The following UBE2W variants were observed in gnomAD, a reference collection of about 807,000 sequenced individuals.
UBE2W encodes the protein ubiquitin conjugating enzyme E2 W, also known as ubiquitin-conjugating enzyme E2 W.
A neutral mutation model predicts 27.2 loss-of-function variants in UBE2W; 18 were observed. That is an observed-to-expected ratio of 0.66 (90% CI 0.46 to 0.98). The LOEUF (loss-of-function observed/expected upper bound fraction) is 0.98. Among genes scored for constraint, UBE2W ranks in the 50% least tolerant of loss-of-function variants. UBE2W has a pLI of 0.00. For synonymous variants in UBE2W, 53 were observed against 57.2 expected (o/e 0.93, Z 0.33); for missense variants, 90 against 180.2 (o/e 0.50, Z 2.87).
At chr8:73,794,244 C>T in intron 5 of UBE2W, 129 bp from the exon 6 acceptor site, 2 of 1,135,454 alleles carry the variant, frequency 1.8e-6, no homozygotes, top group Non-Finnish European at 2.5e-6. Context: ...ATCTGCCTCC[C>T]CCAAACCTGT....
intron 1 of UBE2W, among the ~76,000 whole-genome samples, chr8:73,858,256 G>A (rs1035135209): frequency 6.6e-6 from 1 of 151,580 alleles, no homozygotes; most frequent in African/African-American, 2.4e-5. Flanking sequence ...AGCTACTTAG[G>A]AGGCTGAGGC....
chr8:73,869,673 T>C (rs548513183), intron 1 of UBE2W, among the ~76,000 whole-genome samples: 41 of 151,344 alleles, frequency 2.7e-4, no homozygotes, highest in African/African-American at 9.7e-4. Flanking sequence ...TCTGGGAGAC[T>C]GAGCAAGACT....
chr8:73,805,010 A>G (rs1808814554), intron 5 of UBE2W, among the ~76,000 whole-genome samples: 1 of 151,990 alleles, frequency 6.6e-6, no homozygotes, highest in South Asian at 2.1e-4. Context: ...GGCGTAGGCC[A>G]CCATGCCTGG....
chr8:73,853,113 G>T (rs760807500), intron 1 of UBE2W, among the ~76,000 whole-genome samples: 2 of 152,152 alleles, frequency 1.3e-5, no homozygotes, highest in Non-Finnish European at 2.9e-5. Context: ...GAGCTAATTT[G>T]CCTTGCTGCC....
intron 1 of UBE2W, among the ~76,000 whole-genome samples, chr8:73,872,814 AAAG>A (rs1183388677): frequency 3.9e-5 from 6 of 152,226 alleles, no homozygotes; most frequent in Admixed American, 3.9e-4. Context: ...CATATTTTAA[AAAG>A]AAGTTCTCAT....
In UBE2W at chr8:73,788,306, AAAAT is replaced by A. The variant is rs1808048190; in HGVS notation, c.*5792_*5795del. ...TACATATTTTGCAACTTGAGTTTAT[AAAAT>A]ATATACATCCACCCTATTCAAATCC... On this transcript the variant is annotated 3_prime_UTR_variant, in exon 6 of 6. Transcript: ENST00000602593. 3.0e-6 allele frequency: 3 copies of A among 984,906 alleles called. No homozygotes were observed. The highest frequency in any genetic ancestry group is 3.6e-6 in the Non-Finnish European group (3 of 829,436). The allele number at this position is 984,906 out of a possible 1,614,324, so 61.0% of individuals were successfully genotyped here. A position where few individuals can be genotyped will look rare whatever the true frequency, so the allele number is the denominator to read the frequency against.
chr8:73,875,567 A>G (rs1443613570), intron 1 of UBE2W, among the ~76,000 whole-genome samples: 17 of 116,916 alleles, frequency 1.5e-4, no homozygotes, highest in Non-Finnish European at 3.0e-4. Flanking sequence ...TTCCTCTTAG[A>G]GCTTAAGTAA....
Position 73,810,598 on chromosome 8 carries a change from T to C in UBE2W, c.242A>G (p.His81Arg). Residue 81 changes from histidine (H) to arginine (R), a missense_variant, in exon 4 of 6, where the codon CAT becomes CGT. Coordinates refer to ENST00000602593, the MANE Select transcript of UBE2W (RefSeq NM_018299.6). ...VMFTGENIPV[H>R]PHVYSNGHIC... ...ATGACCATTGCTATAAACATGAGGA[T>C]GAACAGGAATATTTTCACCAGTAAA... 1 of 1,606,094 alleles carries C rather than the reference T, an allele frequency of 6.2e-7. No homozygotes were observed.
rs1046644915 is a variant in UBE2W, at chr8:73,788,181, A to C, written c.*5921T>G. 1.0e-6 allele frequency: 1 copy of C among 967,484 alleles called. No homozygotes were observed. The highest frequency in any genetic ancestry group is 1.2e-6 in the Non-Finnish European group (1 of 813,792). The allele number at this position is 967,484 out of a possible 1,614,324, so 59.9% of individuals were successfully genotyped here. A position where few individuals can be genotyped will look rare whatever the true frequency, so the allele number is the denominator to read the frequency against. ...GTTATGAAATTCCATAAAGCAAAGT[A>C]ATCTGCATTCAACTAACAAGTCTGA... On this transcript the variant is annotated 3_prime_UTR_variant, in exon 6 of 6. Transcript: ENST00000602593.
At chr8:73,852,618 A>G (rs1056481724) in intron 1 of UBE2W, among the ~76,000 whole-genome samples, 12 of 152,168 alleles carry the variant, frequency 7.9e-5, no homozygotes, top group African/African-American at 2.4e-4. Flanking sequence ...ATACAATTCA[A>G]ATTTTTTTAC....
intron 4 of UBE2W, among the ~76,000 whole-genome samples, chr8:73,806,706 C>T (rs536519102): frequency 1.2e-3 from 186 of 152,234 alleles, no homozygotes; most frequent in African/African-American, 4.4e-3. Context: ...AACCAGACTT[C>T]GTCTCAAAAC....
intron 3 of UBE2W, among the ~76,000 whole-genome samples, chr8:73,817,837 A>C (rs1809456493): frequency 6.6e-6 from 1 of 152,170 alleles, no homozygotes; most frequent in African/African-American, 2.4e-5. Flanking sequence ...TTTGATGGAG[A>C]TGGGCCATCC....
intron 1 of UBE2W, among the ~76,000 whole-genome samples, chr8:73,853,487 C>T (rs1811160590): frequency 6.6e-6 from 1 of 152,072 alleles, no homozygotes; most frequent in Admixed American, 6.6e-5. Flanking sequence ...AATTTAACTC[C>T]TGGCCTTAAG....
intron 1 of UBE2W, among the ~76,000 whole-genome samples, chr8:73,843,677 C>T (rs1186846331): frequency 6.7e-6 from 1 of 149,816 alleles, no homozygotes; most frequent in Middle Eastern, 3.4e-3. Context: ...AGAAACTAAA[C>T]ACAGGTGAAG....
rs1808141554 is a variant in UBE2W, at chr8:73,790,399, T to C, written c.*3703A>G. 1.0e-6 allele frequency: 1 copy of C among 985,454 alleles called. No individual in the cohort carries two copies. The allele number at this position is 985,454 out of a possible 1,614,324, so 61.0% of individuals were successfully genotyped here. On this transcript the variant is annotated 3_prime_UTR_variant, in exon 6 of 6. Coordinates refer to ENST00000602593, the MANE Select transcript of UBE2W (RefSeq NM_018299.6). ...CAATCATGCACAGGCAGTAACGGCA[T>C]TACTATAACACAGAACAGTATAGTA...
chr8:73,815,625 A>G (rs1586469934), intron 3 of UBE2W, among the ~76,000 whole-genome samples: 1 of 152,310 alleles, frequency 6.6e-6, no homozygotes, highest in East Asian at 1.9e-4. Flanking sequence ...ATCAAGCCCA[A>G]TACTGAAAGG....
At chr8:73,796,697 G>A (rs1263232494) in intron 5 of UBE2W, 1 of 975,006 alleles carries the variant, frequency 1.0e-6, no homozygotes, top group African/African-American at 1.8e-5. Flanking sequence ...ATGGCTATAT[G>A]TAATCAAGAG....
chr8:73,844,349 G>C (rs990446261), intron 1 of UBE2W, among the ~76,000 whole-genome samples: 4 of 152,224 alleles, frequency 2.6e-5, no homozygotes, highest in African/African-American at 9.6e-5. Context: ...GGGTTTCGCC[G>C]TGTTGGCTGG....
Position 73,838,192 on chromosome 8 carries a change from T to C in UBE2W, c.16-7720A>G, listed in dbSNP as rs367610463. 1.1e-4 allele frequency among the ~76,000 whole-genome samples: 16 copies of C among 152,338 alleles called. No homozygotes were observed. The South Asian group carries it at 2.9e-3, about 28-fold the overall frequency. Reference sequence around the variant, plus strand: ...CAGAACTGGCTCGGCTTTTCAGTGATTTTATAGTCCAGCTAGCAGCCAGCT... The same window carrying C: ...CAGAACTGGCTCGGCTTTTCAGTGACTTTATAGTCCAGCTAGCAGCCAGCT... On this transcript the variant is annotated intron_variant, in intron 1 of 5. Coordinates refer to ENST00000602593, the MANE Select transcript of UBE2W (RefSeq NM_018299.6).
Sources: gnomAD v4.1 joint callset for allele counts (sites outside exome capture counted in the v4.1 genomes callset) on GRCh38, gnomAD v4.1.1 for gene constraint, MANE v1.5 for transcripts, NCBI Gene and HGNC (gene_info 2026-07-23, HGNC 2026-07-21) for gene names.